PLXNA4: variants seen among roughly 807,000 people sequenced by gnomAD.
PLXNA4 encodes the protein plexin A4.
In PLXNA4, 44 loss-of-function variants were observed where a neutral mutation model predicts 191.8. The ratio of observed to expected loss-of-function variants is 0.23; its 90% CI spans 0.18 to 0.29. The LOEUF is 0.29. Among genes scored for constraint, PLXNA4 ranks in the 10% least tolerant of loss-of-function variants. The probability of loss-of-function intolerance (pLI) is 1.00; values close to 1 mark genes in which losing one functional copy is unlikely to be tolerated. For synonymous variants in PLXNA4, 1,082 were observed against 1,009.5 expected (o/e 1.07, Z -1.36); for missense variants, 1,800 against 2,488.8 (o/e 0.72, Z 5.89).
At chr7:132,527,220 G>T (rs1799433087) in intron 1 of PLXNA4, among the ~76,000 whole-genome samples, 1 of 152,088 alleles carries the variant, frequency 6.6e-6, no homozygotes, top group African/African-American at 2.4e-5. Flanking sequence ...AAGAGCTGAG[G>T]CTGCAGGACC....
At chr7:132,229,819 G>C (rs1562980468) in intron 5 of PLXNA4, among the ~76,000 whole-genome samples, 1 of 152,078 alleles carries the variant, frequency 6.6e-6, no homozygotes, top group African/African-American at 2.4e-5. Flanking sequence ...AAGGAGATGA[G>C]GGAAGGGGGT....
intron 3 of PLXNA4, among the ~76,000 whole-genome samples, chr7:132,434,240 C>T (rs539252419): frequency 6.6e-6 from 1 of 152,332 alleles, no homozygotes; most frequent in East Asian, 1.9e-4. Flanking sequence ...TTTCCAAGCT[C>T]TCTTTTGGCC....
chr7:132,642,505 A>C lies in PLXNA4; in HGVS notation c.-87+3423T>G, dbSNP rs77986394. 9.6e-3 allele frequency among the ~76,000 whole-genome samples: 1,466 copies of C among 152,056 alleles called. 19 individuals are homozygous for C. Among genetic ancestry groups the C allele is most frequent in the African/African-American group, 0.033 (1,374 of 41,480 alleles). ...TCAGCCAGGGAGAAGGGATATTCCA[A>C]GGAGAAGGAACAGCATGCACAGGGG... On this transcript the variant is annotated intron_variant, in intron 2 of 4. Coordinates refer to the PLXNA4 transcript ENST00000378539.
chr7:132,636,588 G>C (rs1563200688), intron 2 of PLXNA4, among the ~76,000 whole-genome samples: 1 of 152,174 alleles, frequency 6.6e-6, no homozygotes, highest in Non-Finnish European at 1.5e-5. Flanking sequence ...AGCCATACAA[G>C]GCCCAGGGAG....
At chr7:132,365,364 T>TGTGTGTGC (rs1554424583) in intron 3 of PLXNA4, among the ~76,000 whole-genome samples, 5 of 147,214 alleles carry the variant, frequency 3.4e-5, no homozygotes, top group African/African-American at 1.3e-4. Flanking sequence ...TGTGTGTGCG[T>TGTGTGTGC]GCGCGCGCAT....
chr7:132,321,149 C>T (rs745863222), intron 3 of PLXNA4, among the ~76,000 whole-genome samples: 1 of 152,178 alleles, frequency 6.6e-6, no homozygotes, highest in Non-Finnish European at 1.5e-5. Context: ...CGTCCGCCAC[C>T]CCCTCGCGCT....
chr7:132,567,792 C>A (rs1477889533), intron 1 of PLXNA4, among the ~76,000 whole-genome samples: 1 of 152,166 alleles, frequency 6.6e-6, no homozygotes, highest in Non-Finnish European at 1.5e-5. Context: ...AGCTTCTTCA[C>A]CATTATTAAA....
intron 3 of PLXNA4, among the ~76,000 whole-genome samples, chr7:132,306,486 G>A (rs889494451): frequency 6.6e-6 from 1 of 152,170 alleles, no homozygotes; most frequent in Admixed American, 6.5e-5. Context: ...ACAGCAGTAT[G>A]ATCTCTCTCA....
intron 20 of PLXNA4, among the ~76,000 whole-genome samples, chr7:132,176,618 ATG>A (rs910206268): frequency 1.5e-5 from 1 of 67,936 alleles, no homozygotes; most frequent in African/African-American, 8.4e-5. Context: ...GTATGACTGC[ATG>A]TGTGTGTGTA....
At chr7:132,425,327 A>G (rs907483240) in intron 3 of PLXNA4, among the ~76,000 whole-genome samples, 13 of 152,200 alleles carry the variant, frequency 8.5e-5, no homozygotes, top group Non-Finnish European at 5.9e-5. Flanking sequence ...CTAACTGGCC[A>G]CAGCTTGGAG....
chr7:132,224,225 C>T (rs1047273034), intron 8 of PLXNA4, among the ~76,000 whole-genome samples: 4 of 152,184 alleles, frequency 2.6e-5, no homozygotes, highest in East Asian at 3.9e-4. Flanking sequence ...CCTCTCCATA[C>T]AGGCTATGCC....
In PLXNA4 at chr7:132,508,694, G is replaced by A. The variant is rs1157362749; in HGVS notation, c.-1C>T. 6.7e-7 allele frequency: 1 copy of A among 1,501,722 alleles called. No homozygotes were observed. The highest frequency in any genetic ancestry group is 1.4e-5 in the African/African-American group (1 of 72,300). The allele number at this position is 1,501,722 out of a possible 1,614,324, so 93.0% of individuals were successfully genotyped here. On this transcript the variant is annotated 5_prime_UTR_variant, in exon 2 of 32. Coordinates refer to ENST00000321063, the MANE Select transcript of PLXNA4 (RefSeq NM_020911.2). This position sits in a 1 kb window ranked among gnomAD's most constrained non-coding sequence, Gnocchi z 4.4. ...TCCAGTTCCAGGGCATGGCTTTCATGGCAGAGGCGGGTCCCAGTGGCACAG... is the reference window on the plus strand; with the variant it reads ...TCCAGTTCCAGGGCATGGCTTTCATAGCAGAGGCGGGTCCCAGTGGCACAG...
At chr7:132,342,900 T>C (rs1332711099) in intron 3 of PLXNA4, among the ~76,000 whole-genome samples, 1 of 145,268 alleles carries the variant, frequency 6.9e-6, no homozygotes, top group Non-Finnish European at 1.5e-5. Context: ...TGAGCCAAGA[T>C]TGCACCACTG....
chr7:132,276,698 C>T (rs767364368), intron 4 of PLXNA4, among the ~76,000 whole-genome samples: 2 of 152,150 alleles, frequency 1.3e-5, no homozygotes, highest in Non-Finnish European at 2.9e-5. Flanking sequence ...GTGCCATTAA[C>T]TCTACATATT....
At chr7:132,234,622 GTGTGTGTA>G (rs1388988776) in intron 5 of PLXNA4, among the ~76,000 whole-genome samples, 1 of 151,598 alleles carries the variant, frequency 6.6e-6, no homozygotes, top group Non-Finnish European at 1.5e-5. Context: ...GTGTGTGTGT[GTGTGTGTA>G]TGTGTATTGG....
chr7:132,269,408 A>G (rs1275048430), intron 4 of PLXNA4, among the ~76,000 whole-genome samples: 1 of 112,216 alleles, frequency 8.9e-6, no homozygotes, highest in Non-Finnish European at 1.7e-5. Flanking sequence ...AGCCTTCTCC[A>G]CAGCTCCACC....
At chr7:132,248,395 T>G (rs1205684450) in intron 4 of PLXNA4, among the ~76,000 whole-genome samples, 2 of 152,204 alleles carry the variant, frequency 1.3e-5, no homozygotes, top group Non-Finnish European at 2.9e-5. Context: ...AGTTTTGGGC[T>G]GGTTTGTTAC....
intron 14 of PLXNA4, among the ~76,000 whole-genome samples, chr7:132,190,355 A>G (rs144580701): frequency 1.3e-5 from 2 of 152,346 alleles, no homozygotes; most frequent in African/African-American, 4.8e-5. Context: ...AATGTGTAGC[A>G]CACAGGCTCA....
chr7:132,558,708 C>T (rs1321655917), intron 1 of PLXNA4, among the ~76,000 whole-genome samples: 2 of 152,218 alleles, frequency 1.3e-5, no homozygotes, highest in Admixed American at 6.5e-5. Context: ...ATTCTTTGTC[C>T]AATTTGACAT....
Sources: gnomAD v4.1 joint callset for allele counts (sites outside exome capture counted in the v4.1 genomes callset) on GRCh38, gnomAD v4.1.1 for gene constraint, Gnocchi (gnomAD v3.1) non-coding constraint, MANE v1.5 for transcripts, NCBI Gene and HGNC (gene_info 2026-07-23, HGNC 2026-07-21) for gene names.